TAFA2: variants seen among roughly 807,000 people sequenced by gnomAD.
TAFA2 encodes chemokine-like protein TAFA-2.
Under a neutral mutation model 18.8 loss-of-function variants are expected in TAFA2, and 7 were observed. That is an observed-to-expected ratio of 0.37 (90% CI 0.21 to 0.70). The LOEUF is 0.70. Among genes scored for constraint, TAFA2 ranks in the 30% least tolerant of loss-of-function variants. TAFA2 has a pLI of 0.53. For missense variants in TAFA2, 122 were observed against 158.1 expected, an observed-to-expected ratio of 0.77 and a Z score of 1.23; for synonymous variants, 60 against 54.2, an observed-to-expected ratio of 1.11 and a Z score of -0.47.
intron 4 of TAFA2, among the ~76,000 whole-genome samples, chr12:61,726,141 T>A (rs986375864): frequency 2.0e-5 from 3 of 151,930 alleles, no homozygotes; most frequent in Non-Finnish European, 4.4e-5. Context: ...GACTCTTTTT[T>A]TAATTTGATA....
chr12:62,046,457 AC>A (rs1881911657), intron 1 of TAFA2, among the ~76,000 whole-genome samples: 1 of 152,098 alleles, frequency 6.6e-6, no homozygotes, highest in African/African-American at 2.4e-5. Context: ...GAAAAAAAAA[AC>A]GATGTTAACA....
At chr12:62,174,615 A>G (rs1279696966) in intron 1 of TAFA2, among the ~76,000 whole-genome samples, 1 of 152,210 alleles carries the variant, frequency 6.6e-6, no homozygotes, top group Non-Finnish European at 1.5e-5. Context: ...CAGTTCAAAG[A>G]AAGATAATTT....
At chr12:62,018,622 T>C (rs1359991766) in intron 1 of TAFA2, among the ~76,000 whole-genome samples, 1 of 152,138 alleles carries the variant, frequency 6.6e-6, no homozygotes, top group East Asian at 1.9e-4. Flanking sequence ...GCTAGCCATA[T>C]GGAGAAAGCT....
At chr12:62,160,689 A>G (rs1350332324) in intron 1 of TAFA2, among the ~76,000 whole-genome samples, 1 of 152,166 alleles carries the variant, frequency 6.6e-6, no homozygotes, top group Non-Finnish European at 1.5e-5. Flanking sequence ...GCCATTATCT[A>G]TGTAGAGTTT....
At chr12:62,083,435 A>T (rs2136823077) in intron 1 of TAFA2, among the ~76,000 whole-genome samples, 1 of 152,026 alleles carries the variant, frequency 6.6e-6, no homozygotes, top group Admixed American at 6.6e-5. Flanking sequence ...TCAGGTAAAC[A>T]TTTTTCTGGG....
chr12:62,144,538 G>T (rs1417688362), intron 1 of TAFA2, among the ~76,000 whole-genome samples: 1 of 152,210 alleles, frequency 6.6e-6, no homozygotes, highest in Admixed American at 6.5e-5. Context: ...TGACACCATT[G>T]TGGTAGTACA....
chr12:62,213,153 C>T (rs2062720885), intron 1 of TAFA2, among the ~76,000 whole-genome samples: 1 of 152,166 alleles, frequency 6.6e-6, no homozygotes, highest in African/African-American at 2.4e-5. Flanking sequence ...CACCACGGTT[C>T]ATTCCCTTCT....
At chr12:62,193,043 G>T (rs893577283), upstream of TAFA2, among the ~76,000 whole-genome samples, 21 of 152,242 alleles carry the variant, frequency 1.4e-4, no homozygotes, top group African/African-American at 5.1e-4. Context: ...CTAAAGGAAC[G>T]TCGTGATATT....
intron 1 of TAFA2, among the ~76,000 whole-genome samples, chr12:62,130,319 A>G (rs934814724): frequency 6.6e-6 from 1 of 151,982 alleles, no homozygotes; most frequent in Non-Finnish European, 1.5e-5. Flanking sequence ...GCTGTTGCAG[A>G]AACTCATATG....
At chr12:62,135,626 C>A (rs1870864282) in intron 1 of TAFA2, among the ~76,000 whole-genome samples, 1 of 151,858 alleles carries the variant, frequency 6.6e-6, no homozygotes, top group Non-Finnish European at 1.5e-5. Flanking sequence ...GGTAAAACAA[C>A]AAAATTAAAC....
chr12:62,236,589 G>A (rs753296203), intron 1 of TAFA2, among the ~76,000 whole-genome samples: 8 of 152,134 alleles, frequency 5.3e-5, no homozygotes, highest in Non-Finnish European at 1.2e-4. Context: ...TTGCATGTTA[G>A]TATCCTTTTC....
intron 1 of TAFA2, among the ~76,000 whole-genome samples, chr12:62,168,963 C>CACACAG (rs2062458678): frequency 6.6e-6 from 1 of 151,788 alleles, no homozygotes; most frequent in Non-Finnish European, 1.5e-5. Flanking sequence ...CACACACACA[C>CACACAG]ACACACACAT....
intron 1 of TAFA2, among the ~76,000 whole-genome samples, chr12:61,976,690 C>G (rs367805436): frequency 3.3e-5 from 5 of 151,980 alleles, no homozygotes; most frequent in Non-Finnish European, 7.4e-5. Context: ...CTCCCTACCC[C>G]ACGACAGACC....
intron 2 of TAFA2, among the ~76,000 whole-genome samples, chr12:61,807,053 GCCAAATGTTAATCC>G (rs1871645619): frequency 6.8e-6 from 1 of 146,330 alleles, no homozygotes. Flanking sequence ...GTAACAAGGA[GCCAAATGTTAATCC>G]CCAAAACAAT....
chr12:62,172,293 A>G (rs978912869), intron 1 of TAFA2, among the ~76,000 whole-genome samples: 3 of 152,070 alleles, frequency 2.0e-5, no homozygotes, highest in African/African-American at 7.2e-5. Flanking sequence ...GTGCCAGGAA[A>G]TGTGCAAAGA....
At chr12:62,106,043 A>G (rs1486079518) in intron 1 of TAFA2, among the ~76,000 whole-genome samples, 1 of 152,132 alleles carries the variant, frequency 6.6e-6, no homozygotes, top group African/African-American at 2.4e-5. Context: ...GTCATAAAGA[A>G]AAGTATAGGC....
intron 1 of TAFA2, among the ~76,000 whole-genome samples, chr12:62,129,254 A>T (rs1385861853): frequency 6.6e-6 from 1 of 152,054 alleles, no homozygotes; most frequent in East Asian, 1.9e-4. Context: ...GTGCTGAGAG[A>T]AGTACTCTTT....
intron 1 of TAFA2, among the ~76,000 whole-genome samples, 152 bp from the exon 2 acceptor site, chr12:61,867,578 C>A (rs1474807823): frequency 6.6e-6 from 1 of 152,060 alleles, no homozygotes; most frequent in Non-Finnish European, 1.5e-5. Context: ...TCACTGTATA[C>A]AAACGATGAT....
chr12:62,100,171 A>G (rs967394734), intron 1 of TAFA2, among the ~76,000 whole-genome samples: 1 of 147,718 alleles, frequency 6.8e-6, no homozygotes, highest in African/African-American at 2.5e-5. Context: ...ACACACACAC[A>G]GCCCTTCAAG....
Sources: allele counts gnomAD v4.1 joint callset (sites outside exome capture counted in the v4.1 genomes callset), GRCh38; gene constraint gnomAD v4.1.1; transcripts MANE v1.5; gene names NCBI Gene and HGNC (gene_info 2026-07-23, HGNC 2026-07-21).